PLEKHG4B: variants seen among roughly 807,000 people sequenced by gnomAD.
PLEKHG4B encodes the protein pleckstrin homology domain-containing family G member 4B.
Under a neutral mutation model 121.3 loss-of-function variants are expected in PLEKHG4B, and 111 were observed. The ratio of observed to expected loss-of-function variants is 0.92; its 90% confidence interval spans 0.78 to 1.07. The LOEUF is 1.07. Among genes scored for constraint, PLEKHG4B ranks in the 50% least tolerant of loss-of-function variants. The pLI is 0.00. For synonymous variants in PLEKHG4B, 738 were observed against 725.0 expected (o/e 1.02, Z -0.29); for missense variants, 1,831 against 1,757.8 (o/e 1.04, Z -0.74).
chr5:144,750 C>T, intron 5 of PLEKHG4B, 77 bp from the exon 6 acceptor site: 3 of 1,270,802 alleles, frequency 2.4e-6, no homozygotes, highest in South Asian at 1.3e-5. Context: ...TAACAACTAG[C>T]CTCAGAGGTG....
At chr5:165,018 GCTCTGACA>G (rs1560945977) in intron 13 of PLEKHG4B, among the ~76,000 whole-genome samples, 3 of 60,960 alleles carry the variant, frequency 4.9e-5, no homozygotes, top group Admixed American at 1.5e-4. Context: ...TCACAGTAAT[GCTCTGACA>G]GGGCGGAGCT....
At chr5:108,776 G>A (rs1464097865) in intron 1 of PLEKHG4B, among the ~76,000 whole-genome samples, 4 of 149,762 alleles carry the variant, frequency 2.7e-5, no homozygotes, top group Admixed American at 2.6e-4. Context: ...TAGACAGACT[G>A]GGTGCAGATG....
In PLEKHG4B at chr5:189,439, C is replaced by G. The variant is rs1000195584; in HGVS notation, c.*7116C>G. On this transcript the variant is annotated 3_prime_UTR_variant, in exon 20 of 20. Transcript: ENST00000637938. ...GTCCAGGCATGTCCCCAACGCAGGT[C>G]CAGCCATCTCTGCACAGAACTGGAA... 7 of 152,374 alleles carry G rather than the reference C, an allele frequency of 4.6e-5. No individual in the cohort carries two copies. The highest frequency in any genetic ancestry group is 7.2e-5 in the African/African-American group (3 of 41,458). The allele number at this position is 152,374 out of a possible 1,614,324, so 9.4% of individuals were successfully genotyped here.
At chr5:140,823 T>G (rs1579278977) in intron 3 of PLEKHG4B, 107 bp downstream of exon 3, 4 of 432,738 alleles carry the variant, frequency 9.2e-6, no homozygotes, top group Admixed American at 7.8e-5. Context: ...CCCCACAACC[T>G]CCCCCTGCAC....
At chr5:175,196 G>A (rs936392419) in intron 18 of PLEKHG4B, among the ~76,000 whole-genome samples, 1 of 151,988 alleles carries the variant, frequency 6.6e-6, no homozygotes, top group Non-Finnish European at 1.5e-5. Context: ...GCCCTGGGAG[G>A]CTGAGCTCAT....
chr5:100,199 C>G (rs1239880502), intron 1 of PLEKHG4B, among the ~76,000 whole-genome samples: 1 of 152,054 alleles, frequency 6.6e-6, no homozygotes, highest in Admixed American at 6.5e-5. Context: ...GAAAATATAT[C>G]TTAAAAATGT....
intron 6 of PLEKHG4B, among the ~76,000 whole-genome samples, chr5:145,275 C>CT (rs1159614945): frequency 6.6e-6 from 1 of 152,264 alleles, no homozygotes; most frequent in African/African-American, 2.4e-5. Context: ...CCCAGTGCAG[C>CT]TGCCCCCGCT....
chr5:161,998 A>G (rs1309482462), intron 12 of PLEKHG4B, 54 bp downstream of exon 12: 5 of 1,529,834 alleles, frequency 3.3e-6, no homozygotes, highest in African/African-American at 1.4e-5. Flanking sequence ...TAGGCTGTGG[A>G]CATCTAGCAA....
chr5:122,401 T>TTTTA (rs369224362), intron 2 of PLEKHG4B, among the ~76,000 whole-genome samples: 2,989 of 108,482 alleles, frequency 0.028, 53 homozygotes, highest in Admixed American at 0.069. Flanking sequence ...TGCCCTTTAT[T>TTTTA]TTTATTTATT....
Position 144,833 on chromosome 5 carries a change from G to A in PLEKHG4B, c.1818G>A (p.Glu606=). Residue 606 remains glutamate (E), a synonymous_variant, in exon 6 of 20, where the codon GAG becomes GAA. Coordinates refer to ENST00000637938, the MANE Select transcript of PLEKHG4B (RefSeq NM_052909.5). ...GCTGTCTTTCCCTCCCCAGGAAAGAGGTCCGGGACCTGGGGCTGGTTGTCC... is the reference window on the plus strand; with the variant it reads ...GCTGTCTTTCCCTCCCCAGGAAAGAAGTCCGGGACCTGGGGCTGGTTGTCC... The part of the protein sequence containing the change: ...LLYFHSIPRK[E]VRDLGLVVLV... The A allele has an allele frequency of 1.9e-6, 3 of 1,613,166 alleles. No homozygotes were observed. Among genetic ancestry groups the A allele is most frequent in the Non-Finnish European group, 1.7e-6 (2 of 1,179,706 alleles).
At chr5:116,358 A>G (rs1249927423) in intron 2 of PLEKHG4B, among the ~76,000 whole-genome samples, 2 of 152,236 alleles carry the variant, frequency 1.3e-5, no homozygotes, top group African/African-American at 4.8e-5. Flanking sequence ...ATAGATCATC[A>G]TAACAGATAT....
At chr5:106,088 G>T (rs1340492135) in intron 1 of PLEKHG4B, among the ~76,000 whole-genome samples, 1 of 152,176 alleles carries the variant, frequency 6.6e-6, no homozygotes, top group Non-Finnish European at 1.5e-5. Flanking sequence ...CTTACTTCCA[G>T]CTAAGGTCAT....
Position 162,825 on chromosome 5 carries a change from A to G in PLEKHG4B, c.2753A>G (p.Glu918Gly). 2 of 1,511,590 alleles carry G rather than the reference A, an allele frequency of 1.3e-6. No homozygotes were observed. Among genetic ancestry groups the G allele is most frequent in the South Asian group, 1.3e-5 (1 of 75,208 alleles). 93.6% of individuals were successfully genotyped at this position (1,511,590 alleles called of 1,614,324 possible). ...CHQEATSVAA[E>G]AFPGAGVAVL... ...CAGGAGGCTACCTCGGTGGCTGCAG[A>G]GGCCTTCCCCGGGGCAGGTGTGGCA... is the stretch of plus-strand genomic sequence containing the variant. Residue 918 changes from glutamate (E) to glycine (G), a missense_variant, in exon 13 of 20, where the codon GAG becomes GGG. By Grantham distance (98) the Glu-to-Gly change is moderately conservative (BLOSUM62 -2). Coordinates refer to ENST00000637938, the MANE Select transcript of PLEKHG4B (RefSeq NM_052909.5).
At chr5:149,737 A>G (rs1483474448) in intron 6 of PLEKHG4B, among the ~76,000 whole-genome samples, 1 of 152,254 alleles carries the variant, frequency 6.6e-6, no homozygotes, top group East Asian at 1.9e-4. Context: ...ATTTCTCCAA[A>G]GAAGATATAT....
intron 12 of PLEKHG4B, among the ~76,000 whole-genome samples, chr5:162,253 G>A (rs1370893188): frequency 6.9e-6 from 1 of 145,656 alleles, no homozygotes; most frequent in Non-Finnish European, 1.5e-5. Context: ...ACAGCAGACT[G>A]CTCGCCTGCG....
In PLEKHG4B at chr5:163,203, CA is replaced by C. The variant is rs765313485; in HGVS notation, c.3132del (p.Ala1046GlnfsTer34). Reference sequence around the variant, plus strand: ...CCACTGTCCCTCCTCAGGGGCCTTCCAGGGGCAGGGGCCACCACGGCCCACC... The same window carrying C: ...CCACTGTCCCTCCTCAGGGGCCTTCCGGGGCAGGGGCCACCACGGCCCACC... Reference protein sequence around the residue: ...WDPLSLLRGLPGAGATTAHLE... With the variant: ...WDPLSLLRGLXGAGATTAHLE... On this transcript the variant is annotated frameshift_variant, in exon 13 of 20. Coordinates refer to ENST00000637938, the MANE Select transcript of PLEKHG4B (RefSeq NM_052909.5). LOFTEE classifies it high-confidence loss of function. 1.1e-5 allele frequency: 17 copies of C among 1,589,884 alleles called. No homozygotes were observed. The highest frequency in any genetic ancestry group is 1.4e-5 in the Non-Finnish European group (16 of 1,169,004).
intron 2 of PLEKHG4B, among the ~76,000 whole-genome samples, chr5:127,765 T>G (rs2126377191): frequency 6.6e-6 from 1 of 152,288 alleles, no homozygotes; most frequent in East Asian, 1.9e-4. Context: ...AAGGGATTTA[T>G]TCTGAGCCAA....
chr5:163,200 T>C lies in PLEKHG4B; in HGVS notation c.3128T>C (p.Leu1043Pro). Residue 1043 changes from leucine to proline, a missense_variant, in exon 13 of 20, where the codon CTT becomes CCT. Physicochemically the swap from Leu to Pro is moderately conservative, Grantham distance 98. Transcript: ENST00000637938. The stretch of plus-strand genomic sequence containing the variant: ...GACCCACTGTCCCTCCTCAGGGGCC[T>C]TCCAGGGGCAGGGGCCACCACGGCC... ...LWDPLSLLRG[L>P]PGAGATTAHL... 1 of 1,588,786 alleles carries C rather than the reference T, an allele frequency of 6.3e-7. No homozygotes were observed. The highest frequency in any genetic ancestry group is 8.6e-7 in the Non-Finnish European group (1 of 1,168,460).
At chr5:152,696 C>T (rs544297117) in intron 7 of PLEKHG4B, among the ~76,000 whole-genome samples, 1 of 152,196 alleles carries the variant, frequency 6.6e-6, no homozygotes, top group African/African-American at 2.4e-5. Flanking sequence ...ACTCTGTCAT[C>T]TCTTCAGCTG....
Sources: allele counts gnomAD v4.1 joint callset (sites outside exome capture counted in the v4.1 genomes callset), GRCh38; gene constraint gnomAD v4.1.1; transcripts MANE v1.5; gene names NCBI Gene and HGNC (gene_info 2026-07-23, HGNC 2026-07-21).